The following CCDC9 variants were observed in gnomAD, a reference collection of about 807,000 sequenced individuals.
The protein encoded by CCDC9 is coiled-coil domain-containing protein 9.
CCDC9 carries 52 observed loss-of-function variants against 65.6 expected under a neutral mutation model. The ratio of observed to expected loss-of-function variants is 0.79; its 90% CI spans 0.63 to 1.00. The LOEUF (loss-of-function observed/expected upper bound fraction) is 1.00, where lower values mean the gene tolerates loss of function less well. CCDC9 is among the 50% of genes least tolerant of loss of function. The pLI is 0.00. For missense variants in CCDC9, 834 were observed against 757.2 expected (o/e 1.10, Z -1.19); for synonymous variants, 332 against 280.3 (o/e 1.18, Z -1.84).
In CCDC9 at chr19:47,264,618, C is replaced by G; in HGVS notation, c.478C>G (p.Arg160Gly). 1 of 1,599,360 alleles carries G rather than the reference C, an allele frequency of 6.3e-7. No individual in the cohort carries two copies. The highest frequency in any genetic ancestry group is 8.5e-7 in the Non-Finnish European group (1 of 1,173,254). ...ATCCCCCCAGGAGTGGGAGGAGCGGCGCAGGCAGAACATTGAGAAGATGAA... is the reference window on the plus strand; with the variant it reads ...ATCCCCCCAGGAGTGGGAGGAGCGGGGCAGGCAGAACATTGAGAAGATGAA... ...DRKSKEWEER[R>G]RQNIEKMNEE... Residue 160 changes from arginine to glycine, a missense_variant, in exon 6 of 12, where the codon CGC (arginine) becomes GGC (glycine). Coordinates refer to ENST00000221922, the MANE Select transcript of CCDC9 (RefSeq NM_015603.3).
chr19:47,271,559 C>G lies in CCDC9; in HGVS notation c.1477C>G (p.Pro493Ala). The change falls in exon 12 of 12, where the codon CCC becomes GCC. Residue 493 changes from proline to alanine, a missense_variant. Physicochemically the swap from Pro to Ala is conservative, Grantham distance 27. Transcript: ENST00000221922. ...PGTPSSPFSP[P>A]SGHQPVSDWG... is the part of the protein sequence containing the mutation. ...CACGCCTTCCAGCCCTTTCTCACCA[C>G]CCAGCGGCCACCAGCCTGTGTCCGA... 1 of 1,613,312 alleles carries G rather than the reference C, an allele frequency of 6.2e-7. No individual in the cohort carries two copies. Among genetic ancestry groups the G allele is most frequent in the Non-Finnish European group, 8.5e-7 (1 of 1,179,974 alleles).
chr19:47,264,134 G>C (rs573867675), intron 5 of CCDC9, among the ~76,000 whole-genome samples: 1 of 152,172 alleles, frequency 6.6e-6, no homozygotes, highest in Non-Finnish European at 1.5e-5. Context: ...ACCCACTTCG[G>C]CCTCCCAAAG....
chr19:47,270,778 C>T, intron 10 of CCDC9, 90 bp downstream of exon 10: 3 of 1,348,522 alleles, frequency 2.2e-6, no homozygotes, highest in Non-Finnish European at 3.0e-6. Context: ...GTGGGTACAT[C>T]TGTCTGTCCC....
downstream of CCDC9, chr19:47,273,951 TC>T: frequency 2.0e-6 from 2 of 982,332 alleles, no homozygotes; most frequent in Non-Finnish European, 2.4e-6. Flanking sequence ...CCGTCTTCCC[TC>T]CCCCCTCCCG....
chr19:47,266,809 C>T lies in CCDC9; in HGVS notation c.902+17C>T. On this transcript the variant is annotated intron_variant, in intron 8 of 11. Transcript: ENST00000221922. ...CGATGGGATGTGAGTCTCCTCCCCG[C>T]TCCTCTCCCCATGTGGCACGTTGAC... The T allele has an allele frequency of 2.5e-6, 4 of 1,594,110 alleles. No homozygotes were observed. Among genetic ancestry groups the T allele is most frequent in the Middle Eastern group, 1.7e-4 (1 of 6,038 alleles).
In CCDC9 at chr19:47,271,474, G is replaced by C. The variant is rs1247361455; in HGVS notation, c.1392G>C (p.Glu464Asp). The change falls in exon 12 of 12, where the codon GAG becomes GAC. Residue 464 changes from glutamate (E) to aspartate (D), a missense_variant. By Grantham distance (45) the Glu-to-Asp change is conservative. Transcript: ENST00000221922. ...CCCCCACCGGGATCCCCTGCAGTGA[G>C]CAGGCCCACGGAGTCCCCTTCAGTC... ...EAAPTGIPCS[E>D]QAHGVPFSPE... The C allele has an allele frequency of 3.7e-6, 6 of 1,613,330 alleles. No individual in the cohort carries two copies. Among genetic ancestry groups the C allele is most frequent in the Non-Finnish European group, 5.1e-6 (6 of 1,179,880 alleles).
At position 47,271,678 on chromosome 19, in the gene CCDC9, A is replaced by G. The variant is rs746080723; in HGVS notation, c.1596A>G (p.Ter532TrpextTer?). The change falls in exon 12 of 12, where the codon TGA becomes TGG. Residue 532 changes from the stop codon to tryptophan (W), a stop_lost. Transcript: ENST00000221922. ...PGEAWPFESV[*>W] ...AGGCCTGGCCTTTTGAGAGTGTATGAAGCTGGCTGCCTGTGTGTGTGTGTG... is the reference window on the plus strand; with the variant it reads ...AGGCCTGGCCTTTTGAGAGTGTATGGAGCTGGCTGCCTGTGTGTGTGTGTG... The G allele has an allele frequency of 2.2e-5, 34 of 1,528,932 alleles. No individual in the cohort carries two copies. Among genetic ancestry groups the G allele is most frequent in the Non-Finnish European group, 2.8e-5 (32 of 1,132,338 alleles). The allele number at this position is 1,528,932 out of a possible 1,614,324, so 94.7% of individuals were successfully genotyped here. A position where few individuals can be genotyped will look rare whatever the true frequency, so the allele number is the denominator to read the frequency against.
At chr19:47,260,255 G>A in intron 3 of CCDC9, 66 bp from the exon 4 acceptor site, 1 of 1,174,624 alleles carries the variant, frequency 8.5e-7, no homozygotes, top group Non-Finnish European at 1.2e-6. Flanking sequence ...AGGAGTTCAG[G>A]GGTCTGGGAG....
At chr19:47,275,134 C>G (rs941783153), downstream of CCDC9, 93 of 1,490,412 alleles carry the variant, frequency 6.2e-5, no homozygotes, top group Non-Finnish European at 8.0e-5. Flanking sequence ...CCCAGCGCGC[C>G]GTCCCCTCCG....
chr19:47,264,059 T>C (rs1019612920), intron 5 of CCDC9, among the ~76,000 whole-genome samples: 3 of 151,874 alleles, frequency 2.0e-5, no homozygotes, highest in East Asian at 3.9e-4. Flanking sequence ...TTTTCGTATT[T>C]TTAGTGAGAT....
At chr19:47,274,884 T>G, downstream of CCDC9, 4 of 1,199,338 alleles carry the variant, frequency 3.3e-6, no homozygotes, top group Non-Finnish European at 4.1e-6. Flanking sequence ...GCGGGGCCTG[T>G]GCGGTCTGCG....
At position 47,258,697 on chromosome 19, in the gene CCDC9, C is replaced by T. The variant is rs1011889942; in HGVS notation, c.108+34C>T. 6.7e-6 allele frequency: 10 copies of T among 1,496,108 alleles called. No individual in the cohort carries two copies. In the African/African-American group the frequency reaches 6.9e-5, roughly 10 times the overall value. The allele number at this position is 1,496,108 out of a possible 1,614,324, so 92.7% of individuals were successfully genotyped here. A position where few individuals can be genotyped will look rare whatever the true frequency, so the allele number is the denominator to read the frequency against. ...GCCCCGCCCTGGGAGACCCCATCCC[C>T]TCTCTTCCCCGCAGTGAGTTTTTCT... On this transcript the variant is annotated intron_variant, in intron 3 of 11. Transcript: ENST00000221922.
intron 7 of CCDC9, chr19:47,266,342 G>A (rs998870440): frequency 4.8e-6 from 2 of 415,484 alleles, no homozygotes; most frequent in East Asian, 3.9e-5. Flanking sequence ...GGTTTCTTCT[G>A]GTGGGAGCTG....
chr19:47,273,504 C>T (rs942836720), downstream of CCDC9: 15 of 579,774 alleles, frequency 2.6e-5, no homozygotes, highest in Non-Finnish European at 3.8e-5. Context: ...CACTAACCTC[C>T]CACCGCCTCG....
chr19:47,275,362 C>T (rs924085925), downstream of CCDC9: 12 of 1,533,608 alleles, frequency 7.8e-6, no homozygotes, highest in Admixed American at 1.0e-4. Context: ...TCCCTTCCAC[C>T]CCAACCCGGA....
chr19:47,269,178 T>C (rs2059100791), intron 8 of CCDC9, among the ~76,000 whole-genome samples: 1 of 152,076 alleles, frequency 6.6e-6, no homozygotes, highest in Admixed American at 6.6e-5. Context: ...CATGGAAGGT[T>C]CTAGGTGATA....
At chr19:47,257,794 A>G (rs1411931891) in intron 1 of CCDC9, 4 of 157,392 alleles carry the variant, frequency 2.5e-5, no homozygotes, top group Non-Finnish European at 4.2e-5. Context: ...TGGGCAGCCA[A>G]TAAGAGTGGG....
At position 47,260,440 on chromosome 19, in the gene CCDC9, G is replaced by T; in HGVS notation, c.210+18G>T. On this transcript the variant is annotated intron_variant, in intron 4 of 11. Coordinates refer to ENST00000221922, the MANE Select transcript of CCDC9 (RefSeq NM_015603.3). ...TGGAGTCGGTGAGCTCGTCACTGGG[G>T]TGTGGGACCCTGAGGATGGGGAGGG... 1 of 1,609,682 alleles carries T rather than the reference G, an allele frequency of 6.2e-7. No homozygotes were observed. Among genetic ancestry groups the T allele is most frequent in the Non-Finnish European group, 8.5e-7 (1 of 1,177,622 alleles).
intron 3 of CCDC9, 130 bp from the exon 4 acceptor site, chr19:47,260,191 C>T (rs1174697241): frequency 9.3e-6 from 6 of 648,354 alleles, no homozygotes; most frequent in African/African-American, 3.6e-5. Context: ...GGGATATGAG[C>T]GGCCTTCTTG....
Sources: allele counts gnomAD v4.1 joint callset (sites outside exome capture counted in the v4.1 genomes callset), GRCh38; gene constraint gnomAD v4.1.1; transcripts MANE v1.5; gene names NCBI Gene and HGNC (gene_info 2026-07-23, HGNC 2026-07-21).